The following LINGO2 variants were observed in gnomAD, a reference collection of about 807,000 sequenced individuals.
The protein encoded by LINGO2 is leucine rich repeat and Ig domain containing 2, also known as leucine-rich repeat and immunoglobulin-like domain-containing nogo receptor-interacting protein 2.
A neutral mutation model predicts 30.6 loss-of-function variants in LINGO2; 14 were observed. That is an observed-to-expected ratio of 0.46 (90% CI 0.30 to 0.72). LINGO2 has a LOEUF of 0.72. Among genes scored for constraint, LINGO2 ranks in the 30% least tolerant of loss-of-function variants. The pLI, the probability that LINGO2 is intolerant of heterozygous loss-of-function variation, is 0.07. For synonymous variants in LINGO2, 317 were observed against 288.5 expected, an observed-to-expected ratio of 1.10 and a Z score of -1.00; for missense variants, 729 against 751.7, an observed-to-expected ratio of 0.97 and a Z score of 0.35.
At chr9:28,339,161 C>T (rs935104108) in intron 3 of LINGO2, among the ~76,000 whole-genome samples, 1 of 151,978 alleles carries the variant, frequency 6.6e-6, no homozygotes, top group East Asian at 1.9e-4. Flanking sequence ...ACTTTGTTAA[C>T]CCCTTTTTAG....
At chr9:29,081,778 T>C in the LINGO2 span, among the ~76,000 whole-genome samples, 497 of 152,190 alleles carry the variant, frequency 3.3e-3, 1 homozygote, top group Non-Finnish European at 5.4e-3. Flanking sequence ...AGCATTCTTA[T>C]ACACCAATAA....
intron 4 of LINGO2, among the ~76,000 whole-genome samples, chr9:28,152,166 T>C (rs1418539195): frequency 6.6e-6 from 1 of 152,184 alleles, no homozygotes; most frequent in Non-Finnish European, 1.5e-5. Flanking sequence ...ACCTAGTTGT[T>C]TGGGTCATGG....
chr9:28,032,986 AT>A (rs1411959381), intron 4 of LINGO2, among the ~76,000 whole-genome samples: 3 of 152,210 alleles, frequency 2.0e-5, no homozygotes, highest in African/African-American at 7.2e-5. Flanking sequence ...TAATTTATCC[AT>A]ATGAAATCCT....
intron 4 of LINGO2, among the ~76,000 whole-genome samples, chr9:28,120,729 CGGT>C (rs1452068711): frequency 6.6e-6 from 1 of 151,972 alleles, no homozygotes; most frequent in Non-Finnish European, 1.5e-5. Context: ...TGTTAAATTC[CGGT>C]TGAAGCAACA....
the LINGO2 span, among the ~76,000 whole-genome samples, chr9:29,184,196 C>T: frequency 6.6e-6 from 1 of 152,072 alleles, no homozygotes; most frequent in African/African-American, 2.4e-5. Context: ...GCTCAGTGAA[C>T]CACGTCCCTT....
Position 28,498,380 on chromosome 9 carries a change from G to A in LINGO2, c.-364-22355C>T, listed in dbSNP as rs1459006594. 5.9e-5 allele frequency among the ~76,000 whole-genome samples: 9 copies of A among 152,246 alleles called. No individual in the cohort carries two copies. In the Middle Eastern group the frequency reaches 0.01, roughly 173 times the overall value. On this transcript the variant is annotated intron_variant, in intron 1 of 5. Coordinates refer to ENST00000379992, the Ensembl canonical transcript of LINGO2. ...TGGCGGGCGCCCCTCCGCTAGCCTC[G>A]CTGCTGCCTTGCAGTTAGATCTCAG...
At chr9:27,994,020 T>C (rs1016259186) in intron 5 of LINGO2, among the ~76,000 whole-genome samples, 1 of 151,198 alleles carries the variant, frequency 6.6e-6, no homozygotes, top group Non-Finnish European at 1.5e-5. Context: ...GTACAAAAAA[T>C]ATGGAAATTA....
intron 1 of LINGO2, among the ~76,000 whole-genome samples, chr9:28,660,572 C>G (rs1828547279): frequency 6.6e-6 from 1 of 151,680 alleles, no homozygotes; most frequent in Non-Finnish European, 1.5e-5. Flanking sequence ...AGCCTAAAAT[C>G]ATAATAAAAA....
the LINGO2 span, among the ~76,000 whole-genome samples, chr9:29,099,414 G>A: frequency 3.0e-3 from 457 of 152,212 alleles, 1 homozygote; most frequent in African/African-American, 0.01. Flanking sequence ...CTTCTGCAAT[G>A]CCAAAGAAAC....
intron 4 of LINGO2, among the ~76,000 whole-genome samples, chr9:28,238,963 C>T (rs1172623961): frequency 6.6e-6 from 1 of 151,716 alleles, no homozygotes; most frequent in African/African-American, 2.4e-5. Context: ...GGAGTAATTA[C>T]AATGGATGCC....
intron 4 of LINGO2, among the ~76,000 whole-genome samples, chr9:28,104,270 T>G (rs796929397): frequency 4.9e-4 from 70 of 143,044 alleles, no homozygotes; most frequent in African/African-American, 1.7e-3. Context: ...TTGTTTGTTT[T>G]TTTTTTTTTT....
At chr9:28,426,603 A>G (rs6476067) in intron 2 of LINGO2, among the ~76,000 whole-genome samples, 51,096 of 151,704 alleles carry the variant, frequency 0.34, 9,092 homozygotes, top group Admixed American at 0.39. Context: ...ATGCAGGTAT[A>G]CTGTGCTGAT....
intron 2 of LINGO2, among the ~76,000 whole-genome samples, chr9:28,447,375 AAC>A (rs1824465405): frequency 2.0e-5 from 3 of 152,212 alleles, no homozygotes; most frequent in African/African-American, 4.8e-5. Flanking sequence ...GTGAGGACAC[AAC>A]TAGAAGGTAC....
the LINGO2 span, among the ~76,000 whole-genome samples, chr9:28,853,154 C>T: frequency 3.3e-5 from 5 of 152,126 alleles, no homozygotes; most frequent in Middle Eastern, 6.8e-3. Context: ...ATTAAATTTG[C>T]ATTATTGTGG....
chr9:28,452,656 T>C (rs1463051220), intron 2 of LINGO2, among the ~76,000 whole-genome samples: 3 of 151,876 alleles, frequency 2.0e-5, no homozygotes, highest in African/African-American at 7.2e-5. Context: ...GGGAAAGTGA[T>C]TGCATACAAG....
At chr9:29,192,724 T>A in the LINGO2 span, among the ~76,000 whole-genome samples, 3 of 152,206 alleles carry the variant, frequency 2.0e-5, no homozygotes, top group African/African-American at 7.2e-5. Context: ...TGATTTTCTG[T>A]ACCTCACAGG....
chr9:28,877,400 C>T, the LINGO2 span, among the ~76,000 whole-genome samples: 11 of 151,842 alleles, frequency 7.2e-5, no homozygotes, highest in African/African-American at 2.4e-4. Context: ...ACATTTAAGT[C>T]GTTAATCCAT....
At chr9:28,762,284 A>G in the LINGO2 span, among the ~76,000 whole-genome samples, 1 of 152,030 alleles carries the variant, frequency 6.6e-6, no homozygotes, top group African/African-American at 2.4e-5. Flanking sequence ...ACGTATTTAT[A>G]AAGATAGCTA....
chr9:28,262,177 T>A (rs76052143), intron 4 of LINGO2, among the ~76,000 whole-genome samples: 26,192 of 151,850 alleles, frequency 0.17, 2,460 homozygotes, highest in Middle Eastern at 0.26. Flanking sequence ...TAATGGTACT[T>A]ACTTGTTTGA....
Sources: allele counts gnomAD v4.1 joint callset (sites outside exome capture counted in the v4.1 genomes callset), GRCh38; gene constraint gnomAD v4.1.1; transcripts MANE v1.5; gene names NCBI Gene and HGNC (gene_info 2026-07-23, HGNC 2026-07-21).